DTNB: variants seen among roughly 807,000 people sequenced by gnomAD.
The protein encoded by DTNB is DTN-B.
Under a neutral mutation model 90.7 loss-of-function variants are expected in DTNB, and 63 were observed. The ratio of observed to expected loss-of-function variants is 0.69; its 90% CI spans 0.57 to 0.86. DTNB has a LOEUF of 0.86. Ranked by LOEUF, DTNB falls within the 40% of genes least tolerant of loss-of-function variation. The probability of loss-of-function intolerance (pLI) is 0.00; values close to 1 mark genes in which losing one functional copy is unlikely to be tolerated. For missense variants in DTNB, 744 were observed against 807.1 expected (o/e 0.92, Z 0.95); for synonymous variants, 277 against 286.7 (o/e 0.97, Z 0.34).
chr2:25,603,653 A>AAGAT (rs1170897836), intron 5 of DTNB, among the ~76,000 whole-genome samples: 1 of 152,188 alleles, frequency 6.6e-6, no homozygotes, highest in Non-Finnish European at 1.5e-5. Flanking sequence ...AAAAAGCAGG[A>AAGAT]AGATCAAAGC....
intron 16 of DTNB, among the ~76,000 whole-genome samples, chr2:25,413,632 A>G (rs1036702785): frequency 5.3e-4 from 80 of 152,198 alleles, no homozygotes; most frequent in African/African-American, 1.7e-3. Flanking sequence ...TCCATCGTGT[A>G]TATGTGCCAC....
intron 12 of DTNB, among the ~76,000 whole-genome samples, chr2:25,434,724 C>T (rs572911123): frequency 6.6e-6 from 1 of 152,184 alleles, no homozygotes; most frequent in South Asian, 2.1e-4. Flanking sequence ...TGGGTAGACA[C>T]CTAGGAGTAA....
rs200174003 is a variant in DTNB at position 25,634,799 on chromosome 2, G to C, written c.148+4215C>G. Among the ~76,000 whole-genome samples, 18 of 113,076 alleles carry C rather than the reference G, an allele frequency of 1.6e-4. 6 individuals are homozygous for C. The highest frequency in any genetic ancestry group is 6.2e-4 in the Admixed American group (7 of 11,292). The allele number at this position is 113,076 out of a possible 152,430, so 74.2% of individuals were successfully genotyped here. A position where few individuals can be genotyped will look rare whatever the true frequency, so the allele number is the denominator to read the frequency against. On this transcript the variant is annotated intron_variant, in intron 3 of 20. Coordinates refer to ENST00000406818, the MANE Select transcript of DTNB (RefSeq NM_021907.5). ...CTGAAACATGTGCTGTGTCCACTCA[G>C]GGTTAAATGGATTAAGGGCGGTGCA...
At chr2:25,398,530 G>A (rs886380975) in intron 16 of DTNB, among the ~76,000 whole-genome samples, 7 of 152,160 alleles carry the variant, frequency 4.6e-5, no homozygotes, top group Admixed American at 2.6e-4. Flanking sequence ...ATGGGCTTTC[G>A]CCAGGCCTGA....
At chr2:25,642,285 A>G (rs1046722951) in intron 2 of DTNB, among the ~76,000 whole-genome samples, 1 of 152,296 alleles carries the variant, frequency 6.6e-6, no homozygotes, top group African/African-American at 2.4e-5. Flanking sequence ...AGTGAAGATC[A>G]TATGATGCCA....
intron 10 of DTNB, among the ~76,000 whole-genome samples, chr2:25,478,080 G>A (rs2064108881): frequency 6.6e-6 from 1 of 150,588 alleles, no homozygotes; most frequent in Admixed American, 6.6e-5. Flanking sequence ...GACGAAACAG[G>A]CAAATGTGAC....
chr2:25,568,329 A>G (rs1402212586), intron 8 of DTNB, among the ~76,000 whole-genome samples: 1 of 152,194 alleles, frequency 6.6e-6, no homozygotes, highest in African/African-American at 2.4e-5. Flanking sequence ...TATTACATAT[A>G]TTTTACCACA....
intron 9 of DTNB, among the ~76,000 whole-genome samples, chr2:25,486,559 G>C (rs568335219): frequency 6.6e-6 from 1 of 151,940 alleles, no homozygotes; most frequent in African/African-American, 2.4e-5. Flanking sequence ...TTTGAGCCTA[G>C]GAGGTTAAGG....
At chr2:25,502,699 C>T (rs1408869809) in intron 9 of DTNB, among the ~76,000 whole-genome samples, 6 of 151,480 alleles carry the variant, frequency 4.0e-5, no homozygotes, top group Non-Finnish European at 7.4e-5. Context: ...CTGGCTAACA[C>T]GTTGAAACCC....
At chr2:25,437,613 A>G (rs937370168) in intron 12 of DTNB, among the ~76,000 whole-genome samples, 2 of 152,140 alleles carry the variant, frequency 1.3e-5, no homozygotes, top group African/African-American at 2.4e-5. Context: ...AGAAGAAGAA[A>G]AAAGCCAAGT....
At chr2:25,417,368 C>T (rs2048240829) in intron 16 of DTNB, among the ~76,000 whole-genome samples, 1 of 152,202 alleles carries the variant, frequency 6.6e-6, no homozygotes, top group African/African-American at 2.4e-5. Context: ...CCCCTGTCTG[C>T]TCAAGGCTAG....
At chr2:25,566,308 A>C (rs544047687) in intron 8 of DTNB, among the ~76,000 whole-genome samples, 71 of 152,300 alleles carry the variant, frequency 4.7e-4, no homozygotes, top group Admixed American at 3.0e-3. Flanking sequence ...AATTGTGCGA[A>C]CAGGGAGCCA....
At chr2:25,613,143 C>T (rs2069110246) in intron 4 of DTNB, among the ~76,000 whole-genome samples, 1 of 151,722 alleles carries the variant, frequency 6.6e-6, no homozygotes, top group South Asian at 2.1e-4. Flanking sequence ...GAGACAGGGC[C>T]CCATAATGTT....
At chr2:25,426,281 G>GA (rs2051570480) in intron 15 of DTNB, among the ~76,000 whole-genome samples, 1 of 152,122 alleles carries the variant, frequency 6.6e-6, no homozygotes, top group South Asian at 2.1e-4. Flanking sequence ...TCATTAGACT[G>GA]AAAAAAGATC....
chr2:25,635,977 T>C (rs530178428), intron 3 of DTNB, among the ~76,000 whole-genome samples: 145 of 152,318 alleles, frequency 9.5e-4, no homozygotes, highest in Middle Eastern at 3.4e-3. Flanking sequence ...CCTTCTCATA[T>C]ATGGACACTG....
intron 6 of DTNB, among the ~76,000 whole-genome samples, chr2:25,581,915 A>G (rs1029238001): frequency 1.3e-5 from 2 of 152,204 alleles, no homozygotes; most frequent in African/African-American, 4.8e-5. Context: ...TGCCTCCTCC[A>G]TGTCCTGATC....
chr2:25,377,352 G>C lies in DTNB; in HGVS notation c.*231C>G, dbSNP rs953707314. 2 of 152,992 alleles carry C rather than the reference G, an allele frequency of 1.3e-5. No individual in the cohort carries two copies. Among genetic ancestry groups the C allele is most frequent in the African/African-American group, 4.8e-5 (2 of 41,454 alleles). The allele number at this position is 152,992 out of a possible 1,614,324, so 9.5% of individuals were successfully genotyped here. ...GTGCTAGTACATGCAGGGCTGTGCA[G>C]GGGGAGGCCCACTAGCTGTGCCACG... On this transcript the variant is annotated 3_prime_UTR_variant, in exon 21 of 21. Coordinates refer to ENST00000406818, the MANE Select transcript of DTNB (RefSeq NM_021907.5).
intron 3 of DTNB, among the ~76,000 whole-genome samples, chr2:25,635,387 ACTG>A (rs1273538005): frequency 1.3e-5 from 2 of 152,196 alleles, no homozygotes; most frequent in Non-Finnish European, 2.9e-5. Context: ...AGATTGCGCC[ACTG>A]CACTCCAGCC....
chr2:25,385,976 G>A (rs1324001580), intron 18 of DTNB: 8 of 970,764 alleles, frequency 8.2e-6, no homozygotes, highest in Non-Finnish European at 9.8e-6. Context: ...CTAAAAGTGG[G>A]ATTTCTGACA....
Sources: gnomAD v4.1 joint callset for allele counts (sites outside exome capture counted in the v4.1 genomes callset) on GRCh38, gnomAD v4.1.1 for gene constraint, MANE v1.5 for transcripts, NCBI Gene and HGNC (gene_info 2026-07-23, HGNC 2026-07-21) for gene names.